The following SREBF2 variants were observed in gnomAD, a reference collection of about 807,000 sequenced individuals.
SREBF2 encodes sterol regulatory element-binding protein 2.
Under a neutral mutation model 113.1 loss-of-function variants are expected in SREBF2, and 55 were observed. That is an observed-to-expected ratio of 0.49 (90% CI 0.39 to 0.61). The LOEUF is 0.61. SREBF2 is among the 20% of genes least tolerant of loss of function. The pLI, the probability that SREBF2 is intolerant of heterozygous loss-of-function variation, is 0.00. For missense variants in SREBF2, 1,349 were observed against 1,487.4 expected (o/e 0.91, Z 1.53); for synonymous variants, 593 against 605.7 (o/e 0.98, Z 0.31).
chr22:41,904,312 G>A (rs899792355), intron 17 of SREBF2, among the ~76,000 whole-genome samples: 4 of 152,166 alleles, frequency 2.6e-5, no homozygotes, highest in Non-Finnish European at 5.9e-5. Context: ...GAGATATAAA[G>A]GCATCAAAAA....
chr22:41,868,216 G>C (rs945678807), intron 2 of SREBF2, among the ~76,000 whole-genome samples: 6 of 152,110 alleles, frequency 3.9e-5, no homozygotes, highest in African/African-American at 1.4e-4. Flanking sequence ...TGGGACAGGT[G>C]GGGGAATGTA....
intron 16 of SREBF2, 83 bp from the exon 17 acceptor site, chr22:41,902,887 G>C: frequency 7.0e-7 from 1 of 1,437,714 alleles, no homozygotes; most frequent in Non-Finnish European, 9.6e-7. Flanking sequence ...GTTGGTCTGG[G>C]GAGAGGCCTG....
chr22:41,864,257 T>TACACACACACAC (rs1271238414), intron 1 of SREBF2, among the ~76,000 whole-genome samples: 2 of 72,796 alleles, frequency 2.7e-5, no homozygotes, highest in African/African-American at 9.9e-5. Flanking sequence ...TATATATATA[T>TACACACACACAC]ATATACACAC....
chr22:41,888,913 T>C (rs1450786245), intron 11 of SREBF2, among the ~76,000 whole-genome samples: 1 of 152,240 alleles, frequency 6.6e-6, no homozygotes, highest in Non-Finnish European at 1.5e-5. Context: ...TACTTTCTTA[T>C]AAAGGAAGAA....
At chr22:41,853,378 T>A (rs1031496286) in intron 1 of SREBF2, among the ~76,000 whole-genome samples, 1 of 152,208 alleles carries the variant, frequency 6.6e-6, no homozygotes, top group South Asian at 2.1e-4. Context: ...CTTTGCATCC[T>A]GATCAGCCTT....
intron 1 of SREBF2, among the ~76,000 whole-genome samples, chr22:41,863,042 A>G (rs191699263): frequency 1.3e-5 from 2 of 152,274 alleles, no homozygotes; most frequent in Non-Finnish European, 1.5e-5. Context: ...ACTTGACAAA[A>G]TGAGATCAGT....
At chr22:41,868,543 T>C in intron 2 of SREBF2, 68 bp from the exon 3 acceptor site, 1 of 1,559,948 alleles carries the variant, frequency 6.4e-7, no homozygotes, top group Non-Finnish European at 8.8e-7. Context: ...ATCCTCAGGT[T>C]TCTGCTGCAG....
At chr22:41,901,174 G>A (rs371516352) in intron 16 of SREBF2, among the ~76,000 whole-genome samples, 1 of 152,144 alleles carries the variant, frequency 6.6e-6, no homozygotes, top group Non-Finnish European at 1.5e-5. Context: ...CCTGGTCTAC[G>A]GGGAACATGT....
chr22:41,839,330 G>A (rs551267454), intron 1 of SREBF2, among the ~76,000 whole-genome samples: 1 of 152,298 alleles, frequency 6.6e-6, no homozygotes, highest in East Asian at 1.9e-4. Context: ...CTGGGATGGA[G>A]ATTGAAGAGA....
chr22:41,833,422 C>T lies in SREBF2; in HGVS notation c.88+64C>T, dbSNP rs1297513575. The T allele has an allele frequency of 7.6e-6, 11 of 1,438,576 alleles. No individual in the cohort carries two copies. In the East Asian group the frequency reaches 1.6e-4, roughly 21 times the overall value. 89.1% of individuals were successfully genotyped at this position (1,438,576 alleles called of 1,614,324 possible). A position where few individuals can be genotyped will look rare whatever the true frequency, so the allele number is the denominator to read the frequency against. On this transcript the variant is annotated intron_variant, in intron 1 of 18. Transcript: ENST00000361204. The surrounding 1 kb of genome is among the most constrained non-coding windows in gnomAD (Gnocchi z 4.1). ...GGAGGAAGGGGTTACGGCGGCGCGCCCGGGTGCGCGTGCGCCCACCCCCCG... is the reference window on the plus strand; with the variant it reads ...GGAGGAAGGGGTTACGGCGGCGCGCTCGGGTGCGCGTGCGCCCACCCCCCG...
intron 1 of SREBF2, among the ~76,000 whole-genome samples, chr22:41,853,142 G>A (rs2076947736): frequency 6.6e-6 from 1 of 152,190 alleles, no homozygotes; most frequent in Admixed American, 6.5e-5. Context: ...ATGAGCAACT[G>A]CTGGGCTGGA....
intron 4 of SREBF2, among the ~76,000 whole-genome samples, chr22:41,872,095 A>G (rs899691867): frequency 4.6e-5 from 7 of 151,686 alleles, no homozygotes; most frequent in African/African-American, 1.7e-4. Context: ...CTAAAAATAC[A>G]AAAAATTAGC....
chr22:41,885,741 T>G (rs1008149707), intron 11 of SREBF2: 2 of 156,244 alleles, frequency 1.3e-5, no homozygotes, highest in African/African-American at 4.8e-5. Context: ...ATGGATAGAC[T>G]GCTGAATACA....
At chr22:41,836,626 G>A (rs949262038) in intron 1 of SREBF2, among the ~76,000 whole-genome samples, 1 of 152,192 alleles carries the variant, frequency 6.6e-6, no homozygotes, top group African/African-American at 2.4e-5. Context: ...ACAGTGCCTG[G>A]CACAGTGAGA....
intron 1 of SREBF2, among the ~76,000 whole-genome samples, chr22:41,852,094 C>G (rs1307228988): frequency 6.6e-6 from 1 of 151,854 alleles, no homozygotes; most frequent in Non-Finnish European, 1.5e-5. Context: ...GCACTCCAGC[C>G]TGGGCGATAG....
intron 1 of SREBF2, among the ~76,000 whole-genome samples, chr22:41,842,873 C>G (rs1344652384): frequency 1.3e-5 from 2 of 152,016 alleles, no homozygotes; most frequent in African/African-American, 4.8e-5. Context: ...GCCTGTAATC[C>G]CAGCTACGTG....
In SREBF2 at chr22:41,904,518, C is replaced by T. The variant is rs1305234121; in HGVS notation, c.3094-345C>T. 25 of 526,958 alleles carry T rather than the reference C, an allele frequency of 4.7e-5. No homozygotes were observed. The Admixed American group carries it at 5.7e-4, about 12-fold the overall frequency. 32.6% of individuals were successfully genotyped at this position (526,958 alleles called of 1,614,324 possible). ...CCCCTCTGTCCCTGTCACACCTGTC[C>T]TTTTGTCAAACTGCAGGCAGCCTCC... On this transcript the variant is annotated intron_variant, in intron 17 of 18. Transcript: ENST00000361204.
intron 11 of SREBF2, among the ~76,000 whole-genome samples, chr22:41,889,619 A>T (rs2077336580): frequency 6.6e-6 from 1 of 151,716 alleles, no homozygotes; most frequent in African/African-American, 2.4e-5. Context: ...CACGAGTTTG[A>T]GGCTGCAGTT....
chr22:41,848,841 G>T (rs77463446), intron 1 of SREBF2, among the ~76,000 whole-genome samples: 1,640 of 151,918 alleles, frequency 0.011, 8 homozygotes, highest in Non-Finnish European at 0.018. Context: ...TTACTGCCAG[G>T]CACTCACTAT....
Sources: gnomAD v4.1 joint callset for allele counts (sites outside exome capture counted in the v4.1 genomes callset) on GRCh38, gnomAD v4.1.1 for gene constraint, Gnocchi (gnomAD v3.1) non-coding constraint, MANE v1.5 for transcripts, NCBI Gene and HGNC (gene_info 2026-07-23, HGNC 2026-07-21) for gene names.